Variants in TSNARE1 observed in about 807,000 individuals in gnomAD.
The protein encoded by TSNARE1 is t-SNARE domain-containing protein 1.
In TSNARE1, 49 loss-of-function variants were observed where a neutral mutation model predicts 62.0. The observed-to-expected ratio is 0.79, with a 90% confidence interval of 0.63 to 1.00. TSNARE1 has a LOEUF of 1.00. Among genes scored for constraint, TSNARE1 ranks in the 50% least tolerant of loss-of-function variants. The pLI, the probability that TSNARE1 is intolerant of heterozygous loss-of-function variation, is 0.00. For synonymous variants in TSNARE1, 328 were observed against 294.4 expected (o/e 1.11, Z -1.17); for missense variants, 755 against 700.1 (o/e 1.08, Z -0.88).
intron 12 of TSNARE1, among the ~76,000 whole-genome samples, chr8:142,260,977 G>A (rs866738810): frequency 2.0e-3 from 40 of 20,048 alleles, no homozygotes; most frequent in Admixed American, 3.1e-3. Flanking sequence ...AGGGAGGGAG[G>A]GAGGGAGGAG....
chr8:142,359,415 C>A (rs1277999531), intron 1 of TSNARE1, among the ~76,000 whole-genome samples: 1 of 152,190 alleles, frequency 6.6e-6, no homozygotes, highest in African/African-American at 2.4e-5. Flanking sequence ...CAGGCCAGAT[C>A]GGAAACCCTG....
At chr8:142,352,255 C>A (rs13268283) in intron 2 of TSNARE1, among the ~76,000 whole-genome samples, 31,660 of 152,236 alleles carry the variant, frequency 0.21, 3,539 homozygotes, top group African/African-American at 0.28. Context: ...GGCAGGAAGA[C>A]CCACATGCCC....
intron 9 of TSNARE1, among the ~76,000 whole-genome samples, chr8:142,302,171 C>G (rs1825893108): frequency 6.6e-6 from 1 of 152,142 alleles, no homozygotes; most frequent in Admixed American, 6.5e-5. Context: ...GGCTGCTGCT[C>G]CTGCAGCCCT....
At chr8:142,272,413 CTTCCATCCACCT>C (rs1287489229) in intron 12 of TSNARE1, among the ~76,000 whole-genome samples, 37 of 140,392 alleles carry the variant, frequency 2.6e-4, no homozygotes, top group Middle Eastern at 4.0e-3. Context: ...CACCTTCCTC[CTTCCATCCACCT>C]ATCCACCCGC....
intron 12 of TSNARE1, among the ~76,000 whole-genome samples, chr8:142,261,665 G>A (rs1040540447): frequency 7.9e-5 from 12 of 152,170 alleles, no homozygotes; most frequent in South Asian, 4.1e-4. Context: ...CCACGGCCCC[G>A]GGGTGGGGGT....
Position 142,344,074 on chromosome 8 carries a change from A to AACC in TSNARE1, c.634_636dup (p.Gly212dup). 1 of 1,604,762 alleles carries AACC rather than the reference A, an allele frequency of 6.2e-7. No individual in the cohort carries two copies. Among genetic ancestry groups the AACC allele is most frequent in the Non-Finnish European group, 8.5e-7 (1 of 1,174,264 alleles). Reference sequence around the variant, plus strand: ...AGAGCCAGGGCCTGGGGCTTGCCGGAACCAGGGCTGGGGCCATGGGCCGCC... The same window carrying AACC: ...AGAGCCAGGGCCTGGGGCTTGCCGGAACCACCAGGGCTGGGGCCATGGGCCGCC... On this transcript the variant is annotated inframe_insertion, in exon 4 of 14. Coordinates refer to ENST00000524325, the MANE Select transcript of TSNARE1 (RefSeq NM_145003.5).
chr8:142,318,615 T>C lies in TSNARE1; in HGVS notation c.913A>G (p.Thr305Ala), dbSNP rs535396849. The C allele has an allele frequency of 3.1e-6, 5 of 1,613,460 alleles. No individual in the cohort carries two copies. The South Asian group carries it at 5.5e-5, about 18-fold the overall frequency. Residue 305 changes from threonine to alanine, a missense_variant, in exon 7 of 14, where the codon ACC (threonine) becomes GCC (alanine). By Grantham distance (58) the Thr-to-Ala change is moderately conservative. Coordinates refer to ENST00000524325, the MANE Select transcript of TSNARE1 (RefSeq NM_145003.5). Reference protein sequence around the residue: ...RDSLHTAQQETNKTIAASASS... With the variant: ...RDSLHTAQQEANKTIAASASS... ...GCGCTGGCTGCAATGGTCTTGTTGG[T>C]CTCCTGCTGTGCCGTGTGCCTGGGG...
chr8:142,383,829 C>T (rs1176329845), intron 1 of TSNARE1, among the ~76,000 whole-genome samples: 1 of 152,154 alleles, frequency 6.6e-6, no homozygotes, highest in Non-Finnish European at 1.5e-5. Flanking sequence ...AAGGAGAATG[C>T]CCCCACCACT....
intron 4 of TSNARE1, among the ~76,000 whole-genome samples, chr8:142,338,337 C>A (rs1002050633): frequency 1.3e-4 from 20 of 152,256 alleles, no homozygotes; most frequent in Non-Finnish European, 2.5e-4. Flanking sequence ...CTGCTCTTCA[C>A]TGAACCAGGT....
At chr8:142,284,054 C>A in intron 11 of TSNARE1, among the ~76,000 whole-genome samples, 1 of 117,546 alleles carries the variant, frequency 8.5e-6, no homozygotes, top group African/African-American at 3.1e-5. Context: ...CCAGTGTCTG[C>A]CAATGAGCAG....
chr8:142,240,413 ATAT>A (rs1817624950), intron 12 of TSNARE1, among the ~76,000 whole-genome samples: 1 of 152,238 alleles, frequency 6.6e-6, no homozygotes, highest in Non-Finnish European at 1.5e-5. Context: ...AGATTTCAAC[ATAT>A]TCCTCTCAAT....
intron 1 of TSNARE1, among the ~76,000 whole-genome samples, chr8:142,370,492 C>T (rs537479852): frequency 2.0e-5 from 3 of 152,196 alleles, no homozygotes; most frequent in Admixed American, 6.5e-5. Flanking sequence ...GGATCACTTG[C>T]GCCCAGGAGT....
intron 12 of TSNARE1, chr8:142,271,294 G>A (rs1013328131): frequency 3.8e-5 from 41 of 1,082,158 alleles, no homozygotes; most frequent in African/African-American, 3.3e-4. Context: ...CCACGCCATC[G>A]GCCAGACGCT....
At chr8:142,312,885 G>A (rs1211353930) in intron 9 of TSNARE1, among the ~76,000 whole-genome samples, 2 of 152,260 alleles carry the variant, frequency 1.3e-5, no homozygotes, top group African/African-American at 4.8e-5. Context: ...TCCTGGGGGT[G>A]AGAAGGCAGT....
chr8:142,328,112 G>A (rs925812769), intron 6 of TSNARE1, among the ~76,000 whole-genome samples: 1 of 151,840 alleles, frequency 6.6e-6, no homozygotes, highest in African/African-American at 2.4e-5. Context: ...CCTCTTCAAA[G>A]TTTCCCTTCT....
intron 1 of TSNARE1, among the ~76,000 whole-genome samples, chr8:142,383,453 C>T (rs764987357): frequency 2.0e-5 from 3 of 151,484 alleles, no homozygotes; most frequent in Non-Finnish European, 4.4e-5. Context: ...GACAGCCATC[C>T]TCTGTGGGAG....
At chr8:142,397,196 C>T (rs1034230427) in intron 1 of TSNARE1, among the ~76,000 whole-genome samples, 2 of 148,394 alleles carry the variant, frequency 1.3e-5, no homozygotes, top group African/African-American at 5.0e-5. Flanking sequence ...TGCCCTGGGG[C>T]TGCACTCCCT....
chr8:142,295,356 G>T (rs565905255), intron 10 of TSNARE1, among the ~76,000 whole-genome samples: 2 of 152,352 alleles, frequency 1.3e-5, no homozygotes, highest in African/African-American at 4.8e-5. Context: ...TCCCCCACTG[G>T]GAAGTGGGCA....
At chr8:142,212,959 T>A (rs1391752780) in intron 13 of TSNARE1, among the ~76,000 whole-genome samples, 17 of 50,652 alleles carry the variant, frequency 3.4e-4, no homozygotes, top group African/African-American at 1.4e-3. Flanking sequence ...CCTCCCTCTC[T>A]CCTCTCCCTC....
Sources: gnomAD v4.1 joint callset for allele counts (sites outside exome capture counted in the v4.1 genomes callset) on GRCh38, gnomAD v4.1.1 for gene constraint, MANE v1.5 for transcripts, NCBI Gene and HGNC (gene_info 2026-07-23, HGNC 2026-07-21) for gene names.